Variants in SNX21 observed in about 807,000 individuals in gnomAD.
The protein encoded by SNX21 is sorting nexin-21.
In SNX21, 36 loss-of-function variants were observed where a neutral mutation model predicts 30.9. That is an observed-to-expected ratio of 1.16 (90% CI 0.89 to 1.54). The LOEUF (loss-of-function observed/expected upper bound fraction) is 1.54, where lower values mean the gene tolerates loss of function less well. Among genes scored for constraint, SNX21 ranks in the 40% most tolerant of loss-of-function variants. The pLI is 0.00. For missense variants in SNX21, 508 were observed against 516.5 expected (o/e 0.98, Z 0.16); for synonymous variants, 218 against 222.7 (o/e 0.98, Z 0.19).
Position 45,841,232 on chromosome 20 carries a change from C to A in SNX21, c.1041C>A (p.Leu347=), listed in dbSNP as rs1312920715. The change falls in exon 4 of 4, where the codon CTC becomes CTA. Residue 347 remains leucine, a synonymous_variant. Coordinates refer to ENST00000491381, the MANE Select transcript of SNX21 (RefSeq NM_033421.4). Reference sequence around the variant, plus strand: ...ACAAACGTCAATCAGAGGCTCGGCTCCAAGCCCTGCAGGAGGCAGGCCTTA... The same window carrying A: ...ACAAACGTCAATCAGAGGCTCGGCTACAAGCCCTGCAGGAGGCAGGCCTTA... The part of the protein sequence containing the change: ...GLDKRQSEAR[L]QALQEAGLTP... 2 of 1,613,132 alleles carry A rather than the reference C, an allele frequency of 1.2e-6. No homozygotes were observed. Among genetic ancestry groups the A allele is most frequent in the Non-Finnish European group, 1.7e-6 (2 of 1,179,640 alleles).
chr20:45,839,360 C>CA (rs1445207151), intron 3 of SNX21, among the ~76,000 whole-genome samples: 1 of 151,702 alleles, frequency 6.6e-6, no homozygotes, highest in African/African-American at 2.4e-5. Flanking sequence ...CTAAAAAATA[C>CA]AAAAAATTAG....
intron 2 of SNX21, 169 bp downstream of exon 2, chr20:45,834,637 C>A (rs1279283859): frequency 2.2e-6 from 2 of 914,660 alleles, no homozygotes; most frequent in Admixed American, 3.0e-5. Context: ...TCTTAACCCC[C>A]CTCTGAGCCA....
rs1984269033 is a variant in SNX21, at chr20:45,842,337, TCA to T, written c.*1027_*1028del. ...ACCTCTCCTCGCTTCCTCAAAAAGA[TCA>T]CAGAGGGAGGAGCTCTGAGAACAGT... On this transcript the variant is annotated 3_prime_UTR_variant, in exon 4 of 4. Coordinates refer to ENST00000491381, the MANE Select transcript of SNX21 (RefSeq NM_033421.4). The T allele has an allele frequency of 1.4e-6, 2 of 1,385,938 alleles. No individual in the cohort carries two copies. Among genetic ancestry groups the T allele is most frequent in the African/African-American group, 1.5e-5 (1 of 68,922 alleles). The allele number at this position is 1,385,938 out of a possible 1,614,324, so 85.9% of individuals were successfully genotyped here.
Position 45,840,698 on chromosome 20 carries a change from T to C in SNX21, c.507T>C (p.Ser169=). Residue 169 remains serine (S), a synonymous_variant, in exon 4 of 4, where the codon TCT becomes TCC. Transcript: ENST00000491381. ...GPPDCQPAQI[S]RRYSDFERLH... is the part of the protein sequence containing the mutation. ...CAGATTGCCAGCCAGCCCAGATCTCTCGCCGTTACTCGGACTTTGAGCGGC... is the reference window on the plus strand; with the variant it reads ...CAGATTGCCAGCCAGCCCAGATCTCCCGCCGTTACTCGGACTTTGAGCGGC... 1.9e-6 allele frequency: 3 copies of C among 1,614,154 alleles called. No individual in the cohort carries two copies. The highest frequency in any genetic ancestry group is 2.5e-6 in the Non-Finnish European group (3 of 1,180,032).
chr20:45,838,911 T>TG (rs1555822134), intron 3 of SNX21, among the ~76,000 whole-genome samples: 2 of 151,042 alleles, frequency 1.3e-5, no homozygotes, highest in African/African-American at 4.9e-5. Context: ...TTTTTTTTTT[T>TG]GAGAGAGAGT....
rs372917945 is a variant in SNX21 at position 45,841,218 on chromosome 20, T to C, written c.1027T>C (p.Ser343Pro). The change falls in exon 4 of 4, where the codon TCA becomes CCA. Residue 343 changes from serine (S) to proline (P), a missense_variant. Coordinates refer to ENST00000491381, the MANE Select transcript of SNX21 (RefSeq NM_033421.4). ...SWRLGLDKRQ[S>P]EARLQALQEA... Reference sequence around the variant, plus strand: ...GCGCCTGGGCCTGGACAAACGTCAATCAGAGGCTCGGCTCCAAGCCCTGCA... The same window carrying C: ...GCGCCTGGGCCTGGACAAACGTCAACCAGAGGCTCGGCTCCAAGCCCTGCA... The C allele has an allele frequency of 1.5e-4, 246 of 1,613,662 alleles. 1 individual carries two copies. Among genetic ancestry groups the C allele is most frequent in the Non-Finnish European group, 1.3e-4 (159 of 1,179,952 alleles).
chr20:45,841,174 C>G lies in SNX21; in HGVS notation c.983C>G (p.Ala328Gly). 1 of 1,613,862 alleles carries G rather than the reference C, an allele frequency of 6.2e-7. No individual in the cohort carries two copies. The highest frequency in any genetic ancestry group is 8.5e-7 in the Non-Finnish European group (1 of 1,179,982). Residue 328 changes from alanine to glycine, a missense_variant, in exon 4 of 4, where the codon GCC (alanine) becomes GGC (glycine). By Grantham distance (60) the Ala-to-Gly change is moderately conservative. Transcript: ENST00000491381. ...LHPLLAPFLEAHVRLSWRLGL... is the reference protein window; with the variant it reads ...LHPLLAPFLEGHVRLSWRLGL... Reference sequence around the variant, plus strand: ...CCTTTGCTGGCACCCTTTCTGGAGGCCCATGTCCGGCTCTCCTGGCGCCTG... The same window carrying G: ...CCTTTGCTGGCACCCTTTCTGGAGGGCCATGTCCGGCTCTCCTGGCGCCTG...
chr20:45,839,504 A>G (rs938581110), intron 3 of SNX21, among the ~76,000 whole-genome samples: 1 of 152,060 alleles, frequency 6.6e-6, no homozygotes, highest in African/African-American at 2.4e-5. Flanking sequence ...AGCCTGGGCA[A>G]CAGAGCGAGA....
intron 3 of SNX21, 27 bp downstream of exon 3, chr20:45,835,143 C>G (rs759053121): frequency 9.4e-6 from 15 of 1,593,674 alleles, no homozygotes; most frequent in African/African-American, 1.3e-5. Flanking sequence ...AACCCCTGGG[C>G]TGTGAGTCCA....
In SNX21 at chr20:45,843,020, G is replaced by C. The variant is rs6017703; in HGVS notation, c.*1707G>C. ...GCCCTTAGGGACCACTGAATGCCCC[G>C]ATCCCAATCAGGTTAATCAGAATCA... On this transcript the variant is annotated 3_prime_UTR_variant, in exon 4 of 4. Coordinates refer to ENST00000491381, the MANE Select transcript of SNX21 (RefSeq NM_033421.4). The C allele has an allele frequency of 7.8e-5, 86 of 1,097,532 alleles. No homozygotes were observed. Among genetic ancestry groups the C allele is most frequent in the Non-Finnish European group, 9.4e-5 (84 of 894,900 alleles). 68.0% of individuals were successfully genotyped at this position (1,097,532 alleles called of 1,614,324 possible).
chr20:45,837,625 C>CG (rs1411588584), intron 3 of SNX21, among the ~76,000 whole-genome samples: 1 of 152,116 alleles, frequency 6.6e-6, no homozygotes, highest in Non-Finnish European at 1.5e-5. Context: ...ACCTGGGAGG[C>CG]GGGGAACTTC....
intron 3 of SNX21, chr20:45,840,212 C>G: frequency 1.4e-6 from 2 of 1,410,788 alleles, no homozygotes; most frequent in Middle Eastern, 2.7e-4. Context: ...TTTGGAAAAG[C>G]CTGACCAGGG....
Position 45,841,979 on chromosome 20 carries a change from T to C in SNX21, c.*666T>C. The C allele has an allele frequency of 6.2e-7, 1 of 1,612,198 alleles. No individual in the cohort carries two copies. Among genetic ancestry groups the C allele is most frequent in the Non-Finnish European group, 8.5e-7 (1 of 1,179,804 alleles). Reference sequence around the variant, plus strand: ...CACCTGTGGGTGAGGTGAAGGGTGATGATGGCCTGCTTCAGAACAGCCAAA... The same window carrying C: ...CACCTGTGGGTGAGGTGAAGGGTGACGATGGCCTGCTTCAGAACAGCCAAA... On this transcript the variant is annotated 3_prime_UTR_variant, in exon 4 of 4. Coordinates refer to ENST00000491381, the MANE Select transcript of SNX21 (RefSeq NM_033421.4).
chr20:45,834,265 A>AGGC lies in SNX21; in HGVS notation c.93_95dup (p.Ala32dup). ...GCCTTGGCCGGCGACGGCCCCGGGG[A>AGGC]GGCGGCGGCCAGTCCAGAGGCCGAG... On this transcript the variant is annotated inframe_insertion, in exon 2 of 4. Coordinates refer to ENST00000491381, the MANE Select transcript of SNX21 (RefSeq NM_033421.4). 2 of 1,582,690 alleles carry AGGC rather than the reference A, an allele frequency of 1.3e-6. No homozygotes were observed.
chr20:45,834,031 G>T (rs1983247062), intron 1 of SNX21, 91 bp downstream of exon 1: 3 of 1,419,600 alleles, frequency 2.1e-6, no homozygotes, highest in South Asian at 1.5e-5. Flanking sequence ...GGGTTGGGGG[G>T]AAAGCGATGC....
intron 2 of SNX21, 169 bp downstream of exon 2, chr20:45,834,637 C>T: frequency 2.2e-6 from 2 of 914,660 alleles, no homozygotes; most frequent in South Asian, 3.7e-5. Flanking sequence ...TCTTAACCCC[C>T]CTCTGAGCCA....
Position 45,841,296 on chromosome 20 carries a change from A to G in SNX21, c.1105A>G (p.Lys369Glu). ...CCCCAGTCTCAAAGAATTGCTCATC[A>G]AGGAGGTGCTGGACTAACCCTTGCC... ...PPPSLKELLI[K>E]EVLD Residue 369 changes from lysine (K) to glutamate (E), a missense_variant, in exon 4 of 4, where the codon AAG (lysine) becomes GAG (glutamate). Transcript: ENST00000491381. The G allele has an allele frequency of 6.4e-7, 1 of 1,572,306 alleles. No homozygotes were observed. The highest frequency in any genetic ancestry group is 1.2e-5 in the South Asian group (1 of 83,944).
intron 3 of SNX21, among the ~76,000 whole-genome samples, chr20:45,839,412 A>G (rs1983832776): frequency 6.6e-6 from 1 of 152,168 alleles, no homozygotes; most frequent in African/African-American, 2.4e-5. Flanking sequence ...GCTACTCGGG[A>G]GGCTGAGGCA....
At position 45,841,127 on chromosome 20, in the gene SNX21, G is replaced by A; in HGVS notation, c.936G>A (p.Leu312=). 6.2e-7 allele frequency: 1 copy of A among 1,611,720 alleles called. No homozygotes were observed. Among genetic ancestry groups the A allele is most frequent in the South Asian group, 1.1e-5 (1 of 90,862 alleles). The change falls in exon 4 of 4, where the codon CTG becomes CTA. Residue 312 remains leucine, a synonymous_variant. Coordinates refer to ENST00000491381, the MANE Select transcript of SNX21 (RefSeq NM_033421.4). ...ARACCEKALQ[L]LGDKSLHPLL... is the part of the protein sequence containing the mutation. ...CATGCTGTGAGAAGGCCCTGCAGCT[G>A]CTTGGGGACAAGAGCCTCCACCCTT...
Sources: gnomAD v4.1 joint callset for allele counts (sites outside exome capture counted in the v4.1 genomes callset) on GRCh38, gnomAD v4.1.1 for gene constraint, MANE v1.5 for transcripts, NCBI Gene and HGNC (gene_info 2026-07-23, HGNC 2026-07-21) for gene names.